CHTF8: variants seen among roughly 807,000 people sequenced by gnomAD.
The protein encoded by CHTF8 is chromosome transmission fidelity protein 8 homolog.
Under a neutral mutation model 11.0 loss-of-function variants are expected in CHTF8, and 6 were observed. The observed-to-expected ratio is 0.55, with a 90% CI of 0.30 to 1.08. The LOEUF (loss-of-function observed/expected upper bound fraction) is 1.08, where lower values mean the gene tolerates loss of function less well. Among genes scored for constraint, CHTF8 ranks in the 50% least tolerant of loss-of-function variants. The pLI is 0.07. For missense variants in CHTF8, 140 were observed against 153.1 expected, an observed-to-expected ratio of 0.91 and a Z score of 0.45; for synonymous variants, 53 against 60.5, an observed-to-expected ratio of 0.88 and a Z score of 0.57.
chr16:69,125,894 A>G (rs1962026622), intron 1 of CHTF8, among the ~76,000 whole-genome samples: 1 of 152,218 alleles, frequency 6.6e-6, no homozygotes, highest in South Asian at 2.1e-4. Context: ...TATTGCAAAG[A>G]CCAAATATAA....
chr16:69,129,012 C>T (rs968670456), intron 1 of CHTF8, among the ~76,000 whole-genome samples: 7 of 151,340 alleles, frequency 4.6e-5, no homozygotes, highest in Non-Finnish European at 7.4e-5. Flanking sequence ...TACAGTGAGC[C>T]GAGACTGTGC....
intron 1 of CHTF8, among the ~76,000 whole-genome samples, chr16:69,127,064 C>G (rs1185388535): frequency 1.3e-5 from 2 of 151,948 alleles, no homozygotes; most frequent in African/African-American, 4.8e-5. Context: ...ATAGTGAAAC[C>G]CCATCTCTAC....
At chr16:69,126,176 A>G (rs910622880) in intron 1 of CHTF8, among the ~76,000 whole-genome samples, 2 of 152,354 alleles carry the variant, frequency 1.3e-5, no homozygotes, top group Admixed American at 1.3e-4. Context: ...AGGTGTTCAC[A>G]TAGGTACACG....
At position 69,119,905 on chromosome 16, in the gene CHTF8, C is replaced by T. The variant is rs1163628930; in HGVS notation, c.*520G>A. On this transcript the variant is annotated 3_prime_UTR_variant, in exon 4 of 4. Coordinates refer to ENST00000448552, the MANE Select transcript of CHTF8 (RefSeq NM_001039690.5). ...AGGTCCAGATCCAGGGCCCATGGGA[C>T]CACCACCTCTGGGGTCAGGACCTGC... 4 of 702,352 alleles carry T rather than the reference C, an allele frequency of 5.7e-6. No individual in the cohort carries two copies. The highest frequency in any genetic ancestry group is 3.0e-5 in the South Asian group (2 of 67,556). 43.5% of individuals were successfully genotyped at this position (702,352 alleles called of 1,614,324 possible).
intron 1 of CHTF8, among the ~76,000 whole-genome samples, chr16:69,128,414 G>C (rs1469612178): frequency 6.6e-6 from 1 of 152,148 alleles, no homozygotes; most frequent in Non-Finnish European, 1.5e-5. Flanking sequence ...TGTAGCCTTG[G>C]AAAGATAAGA....
chr16:69,131,197 A>G (rs575059508), intron 1 of CHTF8: 2 of 152,298 alleles, frequency 1.3e-5, no homozygotes, highest in South Asian at 4.1e-4. Context: ...TCCAAACTTT[A>G]CATTAGTGAA....
Position 69,120,503 on chromosome 16 carries a change from CACCAGGT to C in CHTF8, c.281_287del (p.Tyr94Ter). ...GGATCTTGTCTTTGATGAGTGCTGTCACCAGGTACCGGGTGCCAGTCTCGCGGCCAAG... is the reference window on the plus strand; with the variant it reads ...GGATCTTGTCTTTGATGAGTGCTGTCACCGGGTGCCAGTCTCGCGGCCAAG... On this transcript the variant is annotated frameshift_variant, in exon 4 of 4. Transcript: ENST00000448552. LOFTEE classifies it high-confidence loss of function. The surrounding 1 kb of genome is among the most constrained non-coding windows in gnomAD (Gnocchi z 4.0). 6.2e-7 allele frequency: 1 copy of C among 1,614,120 alleles called. No individual in the cohort carries two copies. The highest frequency in any genetic ancestry group is 8.5e-7 in the Non-Finnish European group (1 of 1,180,020).
chr16:69,124,974 G>A lies in CHTF8; in HGVS notation c.-35-3481C>T, dbSNP rs570599450. On this transcript the variant is annotated intron_variant, in intron 1 of 3. Transcript: ENST00000448552. ...GGCTGGAGTGCAATGGCGCGATCTC[G>A]GCTCACCGCAACCTCCACCTCCCGA... Among the ~76,000 whole-genome samples, 4 of 151,826 alleles carry A rather than the reference G, an allele frequency of 2.6e-5. No individual in the cohort carries two copies. The South Asian group carries it at 8.3e-4, about 32-fold the overall frequency.
intron 1 of CHTF8, among the ~76,000 whole-genome samples, chr16:69,122,589 G>T (rs2152268070): frequency 6.7e-6 from 1 of 149,556 alleles, no homozygotes; most frequent in East Asian, 2.0e-4. Context: ...CACCCAGGCT[G>T]GAGTGCAGTG....
At chr16:69,129,089 CAAAA>C (rs768378198) in intron 1 of CHTF8, among the ~76,000 whole-genome samples, 1 of 144,476 alleles carries the variant, frequency 6.9e-6, no homozygotes, top group Non-Finnish European at 1.5e-5. Flanking sequence ...TGAAACAAAA[CAAAA>C]AAAAAACTGG....
intron 1 of CHTF8, among the ~76,000 whole-genome samples, chr16:69,124,279 C>G (rs1440491756): frequency 6.6e-6 from 1 of 152,194 alleles, no homozygotes; most frequent in Non-Finnish European, 1.5e-5. Context: ...GATAAAACTA[C>G]AGCTTCTGGC....
At position 69,120,861 on chromosome 16, in the gene CHTF8, G is replaced by A; in HGVS notation, c.141+192C>T. The A allele has an allele frequency of 2.7e-6, 2 of 750,288 alleles. No individual in the cohort carries two copies. Among genetic ancestry groups the A allele is most frequent in the South Asian group, 2.9e-5 (2 of 69,232 alleles). The allele number at this position is 750,288 out of a possible 1,614,324, so 46.5% of individuals were successfully genotyped here. A position where few individuals can be genotyped will look rare whatever the true frequency, so the allele number is the denominator to read the frequency against. On this transcript the variant is annotated intron_variant, in intron 3 of 3. Transcript: ENST00000448552. The surrounding 1 kb of genome is among the most constrained non-coding windows in gnomAD (Gnocchi z 4.0). The stretch of plus-strand genomic sequence containing the variant: ...AGAATTTCCACTTTCAGAAATGTGA[G>A]CTTTCCAGATTCCCCAAAATTAAAT...
intron 1 of CHTF8, among the ~76,000 whole-genome samples, chr16:69,123,383 C>T (rs1298400402): frequency 6.6e-6 from 1 of 152,124 alleles, no homozygotes; most frequent in African/African-American, 2.4e-5. Flanking sequence ...GGGGGCCAGG[C>T]GCGGTGTCTC....
chr16:69,126,246 A>C (rs1332791143), intron 1 of CHTF8, among the ~76,000 whole-genome samples: 1 of 152,200 alleles, frequency 6.6e-6, no homozygotes, highest in Non-Finnish European at 1.5e-5. Context: ...GACAACCAAA[A>C]TCAATCGTTA....
intron 1 of CHTF8, among the ~76,000 whole-genome samples, chr16:69,127,792 TAG>T (rs1962185302): frequency 6.6e-6 from 1 of 151,918 alleles, no homozygotes; most frequent in African/African-American, 2.4e-5. Context: ...GTATTTTTAG[TAG>T]AGACAGGGTT....
In CHTF8 at chr16:69,118,367, G is replaced by A. The variant is rs1278103952; in HGVS notation, c.*2058C>T. ...TTCTGTGTTCAAGCCCCCAGGGAAA[G>A]GTATGGCAGTAGAGGATGACCAGGT... On this transcript the variant is annotated 3_prime_UTR_variant, in exon 4 of 4. Coordinates refer to ENST00000448552, the MANE Select transcript of CHTF8 (RefSeq NM_001039690.5). 1.9e-5 allele frequency: 30 copies of A among 1,607,490 alleles called. No homozygotes were observed. The highest frequency in any genetic ancestry group is 2.6e-5 in the Non-Finnish European group (30 of 1,173,986).
At chr16:69,124,004 T>G (rs1382087331) in intron 1 of CHTF8, among the ~76,000 whole-genome samples, 1 of 150,092 alleles carries the variant, frequency 6.7e-6, no homozygotes, top group Admixed American at 6.6e-5. Flanking sequence ...CTTGGGAGGC[T>G]GAGGCATGAG....
At chr16:69,122,442 G>A (rs111290442) in intron 1 of CHTF8, among the ~76,000 whole-genome samples, 3,246 of 150,190 alleles carry the variant, frequency 0.022, 60 homozygotes, top group Non-Finnish European at 0.034. Flanking sequence ...GCGCCATCTC[G>A]GCTCACTGCA....
chr16:69,129,448 A>G (rs916203087), intron 1 of CHTF8, among the ~76,000 whole-genome samples: 2 of 151,760 alleles, frequency 1.3e-5, no homozygotes, highest in Admixed American at 6.6e-5. Flanking sequence ...AAAAAAAAAA[A>G]AAGGAAGAAA....
Sources: allele counts gnomAD v4.1 joint callset (sites outside exome capture counted in the v4.1 genomes callset), GRCh38; gene constraint gnomAD v4.1.1; non-coding constraint Gnocchi (gnomAD v3.1); transcripts MANE v1.5; gene names NCBI Gene and HGNC (gene_info 2026-07-23, HGNC 2026-07-21).